Variants in CYFIP1 observed in about 807,000 individuals in gnomAD.
CYFIP1 encodes cytoplasmic FMR1-interacting protein 1.
CYFIP1 carries 58 observed loss-of-function variants against 163.5 expected under a neutral mutation model. The observed-to-expected ratio is 0.35, with a 90% CI of 0.29 to 0.44. The LOEUF is 0.44. Among genes scored for constraint, CYFIP1 ranks in the 20% least tolerant of loss-of-function variants. The pLI is 1.00. For missense variants in CYFIP1, 1,338 were observed against 1,653.8 expected (o/e 0.81, Z 3.31); for synonymous variants, 663 against 660.7 (o/e 1.00, Z -0.05).
rs568838025 is a variant in CYFIP1, at chr15:22,911,383, C to T, written c.2083-570G>A. Among the ~76,000 whole-genome samples the T allele has an allele frequency of 3.3e-5, 5 of 152,278 alleles. No homozygotes were observed. The East Asian group carries it at 7.8e-4, about 24-fold the overall frequency. On this transcript the variant is annotated intron_variant, in intron 18 of 30. Coordinates refer to ENST00000617928, the MANE Select transcript of CYFIP1 (RefSeq NM_014608.6). The stretch of plus-strand genomic sequence containing the variant: ...CTCTCTTCACTGTGTGCAGTGACCA[C>T]GAGGAGCTACTGTGCATTGCAGGTG...
rs534188076 is a variant in CYFIP1 at position 22,951,382 on chromosome 15, G to A, written c.-6-4091C>T. The A allele has an allele frequency of 3.9e-6, 5 of 1,274,878 alleles. No individual in the cohort carries two copies. In the East Asian group the frequency reaches 2.8e-4, roughly 72 times the overall value. The allele number at this position is 1,274,878 out of a possible 1,614,324, so 79.0% of individuals were successfully genotyped here. On this transcript the variant is annotated intron_variant, in intron 1 of 30. Coordinates refer to ENST00000617928, the MANE Select transcript of CYFIP1 (RefSeq NM_014608.6). ...AAAGGAGCAGTGCAGGGCAGCCCCG[G>A]CCGGGTGGGTGCAGGGTCCAGCCCC... is the stretch of plus-strand genomic sequence containing the variant.
At chr15:22,887,308 T>C (rs968495109) in intron 23 of CYFIP1, among the ~76,000 whole-genome samples, 2 of 152,206 alleles carry the variant, frequency 1.3e-5, no homozygotes, top group African/African-American at 4.8e-5. Context: ...CCCCACCCAG[T>C]GTCTGTCCCA....
In CYFIP1 at chr15:22,870,272, A is replaced by G. The variant is rs537250991; in HGVS notation, c.3598-80T>C. ...CATGTTTCAAAATGTCAGGATTCTT[A>G]TATTTTCTCAGAAAAATAATAGCAA... On this transcript the variant is annotated intron_variant, in intron 30 of 30. Transcript: ENST00000617928. The G allele has an allele frequency of 1.4e-4, 203 of 1,475,160 alleles. 1 individual carries two copies. Among genetic ancestry groups the G allele is most frequent in the Non-Finnish European group, 1.8e-4 (197 of 1,088,266 alleles). The allele number at this position is 1,475,160 out of a possible 1,614,324, so 91.4% of individuals were successfully genotyped here.
chr15:22,933,732 G>A (rs1404601339), intron 10 of CYFIP1, 70 bp downstream of exon 10: 2 of 1,100,104 alleles, frequency 1.8e-6, no homozygotes, highest in East Asian at 2.4e-5. Flanking sequence ...CAAATAAGCA[G>A]GATGTTTGAA....
At chr15:22,870,321 C>T in intron 30 of CYFIP1, 129 bp from the exon 31 acceptor site, 2 of 1,124,982 alleles carry the variant, frequency 1.8e-6, no homozygotes, top group Non-Finnish European at 1.2e-6. Context: ...ACATACTGTT[C>T]TTTTTGGGTT....
chr15:22,978,091 C>A (rs982283701), intron 1 of CYFIP1, among the ~76,000 whole-genome samples: 1 of 151,742 alleles, frequency 6.6e-6, no homozygotes, highest in Non-Finnish European at 1.5e-5. Context: ...GTGGCTCATG[C>A]CTGTAATACC....
chr15:22,969,880 G>A (rs1595731870), intron 1 of CYFIP1, among the ~76,000 whole-genome samples: 1 of 152,154 alleles, frequency 6.6e-6, no homozygotes, highest in East Asian at 1.9e-4. Flanking sequence ...ACAAGTATTA[G>A]ACAAAACAGA....
In CYFIP1 at chr15:22,928,408, T is replaced by C. The variant is rs973709312; in HGVS notation, c.1111-380A>G. Among the ~76,000 whole-genome samples the C allele has an allele frequency of 2.2e-3, 327 of 150,220 alleles. 2 individuals carry two copies. Among genetic ancestry groups the C allele is most frequent in the Middle Eastern group, 0.021 (6 of 290 alleles). Reference sequence around the variant, plus strand: ...AAAAAATAATAAATAAATAAATAAATAAATAAATAAATAAATAAATAAATA... The same window carrying C: ...AAAAAATAATAAATAAATAAATAAACAAATAAATAAATAAATAAATAAATA... On this transcript the variant is annotated intron_variant, in intron 11 of 30. Transcript: ENST00000617928.
rs111687584 is a variant in CYFIP1 at position 22,914,538 on chromosome 15, C to T, written c.1985+188G>A. 2.6e-5 allele frequency among the ~76,000 whole-genome samples: 4 copies of T among 152,074 alleles called. 1 individual carries two copies. The highest frequency in any genetic ancestry group is 9.6e-5 in the African/African-American group (4 of 41,494). ...AATTTCTGTGGTAAAGCAATCCTCC[C>T]GCATCAGCCACCACACCAGGCTAAG... On this transcript the variant is annotated intron_variant, in intron 17 of 30. Coordinates refer to ENST00000617928, the MANE Select transcript of CYFIP1 (RefSeq NM_014608.6).
chr15:22,876,195 A>G (rs182672386), intron 26 of CYFIP1, among the ~76,000 whole-genome samples: 5 of 152,172 alleles, frequency 3.3e-5, no homozygotes, highest in African/African-American at 2.4e-5. Flanking sequence ...AATACCGACA[A>G]TGAGATTTTA....
chr15:22,938,003 C>T (rs1458408395), intron 8 of CYFIP1, among the ~76,000 whole-genome samples: 2 of 152,150 alleles, frequency 1.3e-5, no homozygotes, highest in East Asian at 1.9e-4. Flanking sequence ...GCAGACACAA[C>T]GTTTCTGCTG....
intron 1 of CYFIP1, among the ~76,000 whole-genome samples, chr15:22,948,658 T>G (rs2062140220): frequency 1.3e-5 from 2 of 152,054 alleles, no homozygotes; most frequent in Non-Finnish European, 2.9e-5. Context: ...CCACCCGACT[T>G]TAAAGCAACT....
In CYFIP1 at chr15:22,868,202, T is replaced by C. The variant is rs1327956680; in HGVS notation, c.*1826A>G. On this transcript the variant is annotated 3_prime_UTR_variant, in exon 31 of 31. Coordinates refer to ENST00000617928, the MANE Select transcript of CYFIP1 (RefSeq NM_014608.6). Reference sequence around the variant, plus strand: ...ATTATTGGCCTTCTAAGGAGCTGTTTTAGATGTTTTTTCTAACTGCCTCCT... The same window carrying C: ...ATTATTGGCCTTCTAAGGAGCTGTTCTAGATGTTTTTTCTAACTGCCTCCT... The C allele has an allele frequency of 2.0e-5, 3 of 152,200 alleles. No individual in the cohort carries two copies. The highest frequency in any genetic ancestry group is 2.0e-4 in the Admixed American group (3 of 15,280). The allele number at this position is 152,200 out of a possible 1,614,324, so 9.4% of individuals were successfully genotyped here. A position where few individuals can be genotyped will look rare whatever the true frequency, so the allele number is the denominator to read the frequency against.
intron 22 of CYFIP1, among the ~76,000 whole-genome samples, chr15:22,903,031 C>G (rs1445258152): frequency 6.6e-6 from 1 of 152,156 alleles, no homozygotes; most frequent in Non-Finnish European, 1.5e-5. Context: ...AAAAGTGCTC[C>G]TAACACTCGC....
In CYFIP1 at chr15:22,879,649, GT is replaced by G. The variant is rs1375507617; in HGVS notation, c.3042+263del. ...GCACACCAAATATGTTCATTTAGAT[GT>G]TGAAAACATCACATAATATAACAGT... On this transcript the variant is annotated intron_variant, in intron 26 of 30. Transcript: ENST00000617928. Among the ~76,000 whole-genome samples the G allele has an allele frequency of 1.3e-5, 2 of 149,856 alleles. 1 individual carries two copies. Among genetic ancestry groups the G allele is most frequent in the Admixed American group, 1.3e-4 (2 of 15,198 alleles).
At chr15:22,879,017 T>C (rs940374797) in intron 26 of CYFIP1, among the ~76,000 whole-genome samples, 2 of 151,636 alleles carry the variant, frequency 1.3e-5, no homozygotes, top group African/African-American at 4.9e-5. Context: ...GCGCCTGTAG[T>C]CCCAGCTACT....
intron 18 of CYFIP1, among the ~76,000 whole-genome samples, chr15:22,911,356 G>A (rs1263768828): frequency 6.6e-6 from 1 of 152,078 alleles, no homozygotes; most frequent in African/African-American, 2.4e-5. Context: ...GAATCAACAA[G>A]GCTCTCTTCA....
At chr15:22,915,149 C>CA (rs2060928452) in intron 16 of CYFIP1, 1 of 324,442 alleles carries the variant, frequency 3.1e-6, no homozygotes, top group Admixed American at 4.9e-5. Flanking sequence ...TTTTTTGAGA[C>CA]AGAGTCTATC....
intron 13 of CYFIP1, among the ~76,000 whole-genome samples, chr15:22,921,135 C>T (rs1047190303): frequency 6.6e-6 from 1 of 151,994 alleles, no homozygotes; most frequent in Non-Finnish European, 1.5e-5. Flanking sequence ...TTTGGGAGGC[C>T]GAGGCAGGCG....
Sources: gnomAD v4.1 joint callset for allele counts (sites outside exome capture counted in the v4.1 genomes callset) on GRCh38, gnomAD v4.1.1 for gene constraint, MANE v1.5 for transcripts, NCBI Gene and HGNC (gene_info 2026-07-23, HGNC 2026-07-21) for gene names.